CCDC158: variants seen among roughly 807,000 people sequenced by gnomAD.
CCDC158 encodes coiled-coil domain containing 158.
CCDC158 carries 116 observed loss-of-function variants against 138.6 expected under a neutral mutation model. The observed-to-expected ratio is 0.84, with a 90% CI of 0.72 to 0.98. The LOEUF (loss-of-function observed/expected upper bound fraction) is 0.98. Among genes scored for constraint, CCDC158 ranks in the 50% least tolerant of loss-of-function variants. CCDC158 has a pLI of 0.00. For synonymous variants in CCDC158, 436 were observed against 442.4 expected, an observed-to-expected ratio of 0.99 and a Z score of 0.18; for missense variants, 1,265 against 1,306.1, an observed-to-expected ratio of 0.97 and a Z score of 0.48.
chr4:76,378,861 T>A lies in CCDC158; in HGVS notation c.1029+429A>T, dbSNP rs554677873. ...TCCTAATTAATTTTTATGTAATTAA[T>A]TCATTTAATTAATCTTAACATTAAT... On this transcript the variant is annotated intron_variant, in intron 9 of 24. Transcript: ENST00000682701. Among the ~76,000 whole-genome samples, 10 of 152,356 alleles carry A rather than the reference T, an allele frequency of 6.6e-5. No individual in the cohort carries two copies. In the South Asian group the frequency reaches 2.1e-3, roughly 32 times the overall value.
At chr4:76,318,973 C>T (rs1578848636) in intron 24 of CCDC158, among the ~76,000 whole-genome samples, 1 of 152,028 alleles carries the variant, frequency 6.6e-6, no homozygotes, top group Non-Finnish European at 1.5e-5. Context: ...ACTAAGAATA[C>T]AAAAATTAGC....
intron 1 of CCDC158, among the ~76,000 whole-genome samples, chr4:76,416,429 C>T (rs1216585381): frequency 6.6e-6 from 1 of 152,156 alleles, no homozygotes; most frequent in African/African-American, 2.4e-5. Context: ...ACCCACTGAC[C>T]CTGTGGGGCT....
At position 76,323,390 on chromosome 4, in the gene CCDC158, T is replaced by C. The variant is rs2110080097; in HGVS notation, c.3189A>G (p.Ile1063Met). 6.2e-7 allele frequency: 1 copy of C among 1,611,602 alleles called. No homozygotes were observed. Among genetic ancestry groups the C allele is most frequent in the Non-Finnish European group, 8.5e-7 (1 of 1,178,788 alleles). Residue 1063 changes from isoleucine (I) to methionine (M), a missense_variant, in exon 24 of 25, where the codon ATA becomes ATG. Transcript: ENST00000682701. ...DSVKDSQSPP[I>M]ETTGKTCRKL... ...TCCTGCATGTTTTTCCTGTTGTTTC[T>C]ATTGGCGGAGACTGTGAATCTATTA...
At chr4:76,395,491 A>T (rs576412577) in intron 4 of CCDC158, among the ~76,000 whole-genome samples, 2 of 152,180 alleles carry the variant, frequency 1.3e-5, no homozygotes, top group Non-Finnish European at 2.9e-5. Flanking sequence ...TGTCATCTAG[A>T]GGAAAGGCTT....
intron 4 of CCDC158, among the ~76,000 whole-genome samples, chr4:76,391,440 G>A (rs1367350307): frequency 6.6e-6 from 1 of 151,940 alleles, no homozygotes; most frequent in East Asian, 1.9e-4. Context: ...GTGAGTCAAT[G>A]AAGAAATTAA....
chr4:76,366,714 T>C (rs1292242122), intron 12 of CCDC158, among the ~76,000 whole-genome samples: 1 of 151,758 alleles, frequency 6.6e-6, no homozygotes, highest in Non-Finnish European at 1.5e-5. Context: ...ATGAGAAAGT[T>C]CAGAAGGAGA....
intron 9 of CCDC158, among the ~76,000 whole-genome samples, chr4:76,376,263 T>C (rs1316263582): frequency 6.6e-6 from 1 of 152,108 alleles, no homozygotes; most frequent in Non-Finnish European, 1.5e-5. Flanking sequence ...AGAGTCCCAC[T>C]ATGTTGCCCA....
rs75976172 is a variant in CCDC158, at chr4:76,353,011, C to T, written c.2445+112G>A. The T allele has an allele frequency of 1.1e-3, 903 of 832,584 alleles. 5 individuals carry two copies. In the African/African-American group the frequency reaches 0.014, roughly 13 times the overall value. The allele number at this position is 832,584 out of a possible 1,614,324, so 51.6% of individuals were successfully genotyped here. A position where few individuals can be genotyped will look rare whatever the true frequency, so the allele number is the denominator to read the frequency against. The stretch of plus-strand genomic sequence containing the variant: ...TTTGTGCTAGGTGATTGGGATACAA[C>T]ACAAATTGATACATTCAGTTCCTGT... On this transcript the variant is annotated intron_variant, in intron 16 of 24. Coordinates refer to ENST00000682701, the MANE Select transcript of CCDC158 (RefSeq NM_001394954.1).
chr4:76,408,190 A>T (rs887001247), intron 2 of CCDC158, among the ~76,000 whole-genome samples: 98 of 149,232 alleles, frequency 6.6e-4, no homozygotes, highest in African/African-American at 1.8e-3. Context: ...ATATATATAT[A>T]TATTTTTTTA....
chr4:76,399,377 G>C (rs1728132759), intron 3 of CCDC158, among the ~76,000 whole-genome samples: 1 of 152,068 alleles, frequency 6.6e-6, no homozygotes, highest in East Asian at 1.9e-4. Context: ...CCTAGGTGAT[G>C]GGTTGATAGG....
At chr4:76,352,493 G>A (rs961246523) in intron 16 of CCDC158, 1 of 152,176 alleles carries the variant, frequency 6.6e-6, no homozygotes, top group Non-Finnish European at 1.5e-5. Flanking sequence ...AAGAAACAAA[G>A]GTAGCAGAGA....
intron 3 of CCDC158, among the ~76,000 whole-genome samples, chr4:76,400,775 G>A (rs1373859404): frequency 6.6e-6 from 1 of 152,114 alleles, no homozygotes; most frequent in Non-Finnish European, 1.5e-5. Context: ...TCAAAATCTT[G>A]CAGCAGCCCA....
At chr4:76,345,447 AAAG>A in intron 18 of CCDC158, 2 of 936,834 alleles carry the variant, frequency 2.1e-6, no homozygotes, top group South Asian at 2.6e-5. Context: ...CAAATCTGCA[AAAG>A]AAGAACTGAT....
Position 76,379,344 on chromosome 4 carries a change from A to T in CCDC158, c.975T>A (p.Thr325=), listed in dbSNP as rs764045889. The T allele has an allele frequency of 6.2e-7, 1 of 1,610,590 alleles. No individual in the cohort carries two copies. Among genetic ancestry groups the T allele is most frequent in the Non-Finnish European group, 8.5e-7 (1 of 1,178,918 alleles). The part of the protein sequence containing the change: ...YMRQLSDLES[T]VSQLRSELRE... ...TTAATTCAGAACGTAGCTGAGAAACAGTAGATTCCAGATCGCTGAGCTGAC... is the reference window on the plus strand; with the variant it reads ...TTAATTCAGAACGTAGCTGAGAAACTGTAGATTCCAGATCGCTGAGCTGAC... The change falls in exon 9 of 25, where the codon ACT becomes ACA. Residue 325 remains threonine, a synonymous_variant. Coordinates refer to ENST00000682701, the MANE Select transcript of CCDC158 (RefSeq NM_001394954.1).
intron 3 of CCDC158, chr4:76,402,077 A>C (rs1728442849): frequency 6.6e-6 from 1 of 152,346 alleles, no homozygotes; most frequent in South Asian, 2.1e-4. Flanking sequence ...AATGAGTTAC[A>C]TCTGTGATTA....
intron 14 of CCDC158, chr4:76,356,627 C>G (rs968458254): frequency 6.6e-6 from 1 of 152,106 alleles, no homozygotes; most frequent in African/African-American, 2.4e-5. Flanking sequence ...TGAAACACAT[C>G]AAGAATTTGT....
At chr4:76,314,777 C>T (rs187878388) in intron 24 of CCDC158, among the ~76,000 whole-genome samples, 90 of 152,266 alleles carry the variant, frequency 5.9e-4, no homozygotes, top group African/African-American at 1.9e-3. Flanking sequence ...CTCACAGGGG[C>T]CCTCGGGAAA....
At chr4:76,387,192 C>G (rs183806030) in intron 4 of CCDC158, among the ~76,000 whole-genome samples, 1 of 152,208 alleles carries the variant, frequency 6.6e-6, no homozygotes, top group Admixed American at 6.5e-5. Flanking sequence ...GAGGGGAGAG[C>G]AAAGCGTAAA....
chr4:76,390,157 A>G (rs1401495175), intron 4 of CCDC158, among the ~76,000 whole-genome samples: 1 of 152,166 alleles, frequency 6.6e-6, no homozygotes, highest in Non-Finnish European at 1.5e-5. Flanking sequence ...CAAGCCATAG[A>G]TAGTACAATA....
Sources: allele counts gnomAD v4.1 joint callset (sites outside exome capture counted in the v4.1 genomes callset), GRCh38; gene constraint gnomAD v4.1.1; transcripts MANE v1.5; gene names NCBI Gene and HGNC (gene_info 2026-07-23, HGNC 2026-07-21).